PCDHA5: variants seen among roughly 807,000 people sequenced by gnomAD.
The protein encoded by PCDHA5 is protocadherin alpha 5.
In PCDHA5, 43 loss-of-function variants were observed where a neutral mutation model predicts 61.6. That is an observed-to-expected ratio of 0.70 (90% CI 0.55 to 0.90). The LOEUF (loss-of-function observed/expected upper bound fraction) is 0.90, where lower values mean the gene tolerates loss of function less well. PCDHA5 is among the 40% of genes least tolerant of loss of function. PCDHA5 has a pLI of 0.00. For missense variants in PCDHA5, 1,298 were observed against 1,222.7 expected (o/e 1.06, Z -0.92); for synonymous variants, 627 against 543.9 (o/e 1.15, Z -2.13).
At chr5:140,983,408 A>C (rs1554245369) in intron 3 of PCDHA5, among the ~76,000 whole-genome samples, 1 of 152,208 alleles carries the variant, frequency 6.6e-6, no homozygotes, top group East Asian at 1.9e-4. Context: ...GGGAAGATTA[A>C]GTGTTGGTAG....
In PCDHA5 at chr5:140,843,430, CATCTGCGCGGT is replaced by C. The variant is rs1778874946; in HGVS notation, c.2352+19307_2352+19317del. The C allele has an allele frequency of 1.6e-5, 26 of 1,596,170 alleles. 2 individuals carry two copies. Among genetic ancestry groups the C allele is most frequent in the Non-Finnish European group, 2.1e-5 (24 of 1,165,672 alleles). On this transcript the variant is annotated intron_variant, in intron 1 of 3. Coordinates refer to ENST00000529859, the MANE Select transcript of PCDHA5 (RefSeq NM_018908.3). ...ATGTCAACGTGTACCTGATCATCGC[CATCTGCGCGGT>C]ATCCAGCCTGCTGGTGCTCACGCTG...
chr5:140,823,440 G>A lies in PCDHA5; in HGVS notation c.1665G>A (p.Leu555=). 6.2e-7 allele frequency: 1 copy of A among 1,613,368 alleles called. No individual in the cohort carries two copies. The highest frequency in any genetic ancestry group is 8.5e-7 in the Non-Finnish European group (1 of 1,179,784). ...GSNVTLQVFV[L]DENDNAPALL... is the part of the protein sequence containing the mutation. Reference sequence around the variant, plus strand: ...ACGTGACGCTGCAGGTGTTCGTGCTGGACGAGAACGACAACGCGCCGGCGC... The same window carrying A: ...ACGTGACGCTGCAGGTGTTCGTGCTAGACGAGAACGACAACGCGCCGGCGC... The change falls in exon 1 of 4, where the codon CTG becomes CTA. Residue 555 remains leucine, a synonymous_variant. Transcript: ENST00000529859.
At chr5:140,841,572 T>C (rs1562389584) in intron 1 of PCDHA5, 4 of 1,613,982 alleles carry the variant, frequency 2.5e-6, no homozygotes, top group Middle Eastern at 1.7e-4. Flanking sequence ...AATGGCATTT[T>C]GTTTGTGAAT....
intron 1 of PCDHA5, among the ~76,000 whole-genome samples, chr5:140,951,497 A>G (rs2094591184): frequency 6.6e-6 from 1 of 152,030 alleles, no homozygotes; most frequent in Non-Finnish European, 1.5e-5. Flanking sequence ...GGTGGAAGGC[A>G]AAAGGAAAGC....
chr5:140,839,326 C>T (rs1338005685), intron 1 of PCDHA5, among the ~76,000 whole-genome samples: 1 of 151,830 alleles, frequency 6.6e-6, no homozygotes, highest in Non-Finnish European at 1.5e-5. Context: ...TTGGGAAATA[C>T]CTGAAGTTGA....
intron 1 of PCDHA5, among the ~76,000 whole-genome samples, chr5:140,899,225 A>G (rs1479429839): frequency 6.6e-6 from 1 of 152,038 alleles, no homozygotes; most frequent in African/African-American, 2.4e-5. Flanking sequence ...TTCCAACACT[A>G]TGTTGAATAG....
At chr5:140,967,844 G>A in intron 1 of PCDHA5, 1 of 1,614,178 alleles carries the variant, frequency 6.2e-7, no homozygotes, top group Non-Finnish European at 8.5e-7. Flanking sequence ...GGACGTGAAT[G>A]ACAATGCCCC....
At chr5:140,843,442 A>C in intron 1 of PCDHA5, 2 of 1,596,116 alleles carry the variant, frequency 1.3e-6, no homozygotes, top group Non-Finnish European at 1.7e-6. Context: ...TCTGCGCGGT[A>C]TCCAGCCTGC....
chr5:140,864,592 C>G (rs1005645849), intron 1 of PCDHA5: 6 of 152,206 alleles, frequency 3.9e-5, no homozygotes, highest in South Asian at 4.1e-4. Flanking sequence ...TCAACTACTT[C>G]AGATAGCCAA....
intron 1 of PCDHA5, chr5:140,867,695 C>T (rs1283173997): frequency 6.6e-6 from 1 of 151,790 alleles, no homozygotes; most frequent in African/African-American, 2.4e-5. Context: ...TCTTTTTTTC[C>T]TCCTAAATCC....
chr5:140,972,386 A>G (rs2096534472), intron 1 of PCDHA5, among the ~76,000 whole-genome samples: 1 of 148,802 alleles, frequency 6.7e-6, no homozygotes, highest in African/African-American at 2.5e-5. Flanking sequence ...GTATTTGTTT[A>G]TTTGCTTCAC....
chr5:140,968,107 G>A (rs200195064), intron 1 of PCDHA5: 58 of 1,613,992 alleles, frequency 3.6e-5, no homozygotes, highest in African/African-American at 5.3e-5. Context: ...GGGGAATACC[G>A]CAGCTCACAT....
intron 3 of PCDHA5, among the ~76,000 whole-genome samples, chr5:141,009,288 C>G (rs373954362): frequency 6.6e-6 from 1 of 152,068 alleles, no homozygotes; most frequent in African/African-American, 2.4e-5. Flanking sequence ...GATCCCATTT[C>G]TATAAAATTT....
At chr5:140,941,334 T>C (rs1398027134) in intron 1 of PCDHA5, among the ~76,000 whole-genome samples, 2 of 133,354 alleles carry the variant, frequency 1.5e-5, no homozygotes, top group African/African-American at 5.5e-5. Flanking sequence ...TTTTTTTTTT[T>C]CAGATGGAGT....
chr5:140,871,056 G>A (rs1554165039), intron 1 of PCDHA5: 1 of 1,613,234 alleles, frequency 6.2e-7, no homozygotes, highest in African/African-American at 1.3e-5. Context: ...TACTGGTGAA[G>A]GATCACGGTG....
intron 1 of PCDHA5, chr5:140,863,746 C>T (rs902419131): frequency 8.2e-6 from 2 of 244,508 alleles, no homozygotes; most frequent in Non-Finnish European, 1.6e-5. Context: ...TATTTGTAAT[C>T]CCGGCACTTT....
At chr5:140,825,773 T>C (rs1395889214) in intron 1 of PCDHA5, 2 of 152,486 alleles carry the variant, frequency 1.3e-5, no homozygotes, top group African/African-American at 2.4e-5. Flanking sequence ...GTTGTGCAAA[T>C]TCTACTATAT....
chr5:140,850,305 A>G lies in PCDHA5; in HGVS notation c.2352+26178A>G, dbSNP rs145743353. ...CGCAGTGGACGCCGACTCGGGCTAC[A>G]ACGCGTGGCTTTCATACGAGCTGCA... On this transcript the variant is annotated intron_variant, in intron 1 of 3. Transcript: ENST00000529859. 1.9e-5 allele frequency: 30 copies of G among 1,596,858 alleles called. 3 individuals carry two copies. Among genetic ancestry groups the G allele is most frequent in the Non-Finnish European group, 2.5e-5 (29 of 1,167,642 alleles).
intron 1 of PCDHA5, among the ~76,000 whole-genome samples, chr5:140,890,676 C>T (rs1377876863): frequency 3.3e-5 from 5 of 152,164 alleles, no homozygotes; most frequent in African/African-American, 1.2e-4. Flanking sequence ...AACCCTTCCT[C>T]CTTCTGGGAA....
Sources: gnomAD v4.1 joint callset for allele counts (sites outside exome capture counted in the v4.1 genomes callset) on GRCh38, gnomAD v4.1.1 for gene constraint, MANE v1.5 for transcripts, NCBI Gene and HGNC (gene_info 2026-07-23, HGNC 2026-07-21) for gene names.